Variants in P4HA3 observed in about 807,000 individuals in gnomAD.
The protein encoded by P4HA3 is prolyl 4-hydroxylase subunit alpha 3, also known as prolyl 4-hydroxylase subunit alpha-3.
Under a neutral mutation model 66.7 loss-of-function variants are expected in P4HA3, and 60 were observed. The ratio of observed to expected loss-of-function variants is 0.90; its 90% CI spans 0.73 to 1.12. The LOEUF (loss-of-function observed/expected upper bound fraction) is 1.12, where lower values mean the gene tolerates loss of function less well. Ranked by LOEUF, P4HA3 falls within the 50% of genes most tolerant of loss-of-function variation. The pLI is 0.00. For missense variants in P4HA3, 683 were observed against 685.8 expected, an observed-to-expected ratio of 1.00 and a Z score of 0.05; for synonymous variants, 263 against 274.6, an observed-to-expected ratio of 0.96 and a Z score of 0.42.
At chr11:74,285,119 A>G (rs1465986134) in intron 7 of P4HA3, among the ~76,000 whole-genome samples, 1 of 152,094 alleles carries the variant, frequency 6.6e-6, no homozygotes, top group Non-Finnish European at 1.5e-5. Context: ...ATACTGTAAT[A>G]AAATTATGGG....
intron 4 of P4HA3, among the ~76,000 whole-genome samples, chr11:74,292,458 T>C (rs946041865): frequency 3.9e-4 from 60 of 152,374 alleles, no homozygotes; most frequent in Admixed American, 3.9e-3. Context: ...AATTCTGCTC[T>C]GATCTTAGTT....
rs1374352150 is a variant in P4HA3, at chr11:74,279,420, CT to C, written c.1142del (p.Lys381SerfsTer15). 2 of 1,613,838 alleles carry C rather than the reference CT, an allele frequency of 1.2e-6. No individual in the cohort carries two copies. Among genetic ancestry groups the C allele is most frequent in the Non-Finnish European group, 1.7e-6 (2 of 1,179,886 alleles). On this transcript the variant is annotated frameshift_variant, in exon 8 of 13. Coordinates refer to ENST00000331597, the MANE Select transcript of P4HA3 (RefSeq NM_182904.5). LOFTEE classifies it high-confidence loss of function. ...TGATGCGGTACTCCACTTGTAACTG[CT>C]TCTCCCCTGATGCCACCACTGACCT... ...LQRSVVASGE[K>X]QLQVEYRISK...
rs1367194258 is a variant in P4HA3 at position 74,310,067 on chromosome 11, T to C, written c.200+1345A>G. Reference sequence around the variant, plus strand: ...CACTCACGCAAAGTTTTAAAAGCAGTGCATTGTGCTGTCTTTGCTCAATGA... The same window carrying C: ...CACTCACGCAAAGTTTTAAAAGCAGCGCATTGTGCTGTCTTTGCTCAATGA... On this transcript the variant is annotated intron_variant, in intron 1 of 12. Coordinates refer to ENST00000331597, the MANE Select transcript of P4HA3 (RefSeq NM_182904.5). Among the ~76,000 whole-genome samples the C allele has an allele frequency of 4.6e-5, 7 of 152,308 alleles. No individual in the cohort carries two copies. In the South Asian group the frequency reaches 1.0e-3, roughly 23 times the overall value.
At chr11:74,286,518 C>T in intron 5 of P4HA3, 127 bp from the exon 6 acceptor site, 1 of 801,450 alleles carries the variant, frequency 1.2e-6, no homozygotes, top group African/African-American at 1.8e-5. Flanking sequence ...TGAATAACTC[C>T]TCATGTCAAC....
At chr11:74,256,615 G>A (rs1859836031) in intron 15 of P4HA3, among the ~76,000 whole-genome samples, 1 of 152,116 alleles carries the variant, frequency 6.6e-6, no homozygotes, top group Non-Finnish European at 1.5e-5. Flanking sequence ...TCCTTGCAGA[G>A]CCTACAGATC....
intron 7 of P4HA3, among the ~76,000 whole-genome samples, chr11:74,281,190 G>C (rs1270454510): frequency 6.6e-6 from 1 of 152,172 alleles, no homozygotes; most frequent in East Asian, 1.9e-4. Flanking sequence ...TCTCACACCA[G>C]TTAGAATGGC....
At chr11:74,268,466 A>G (rs1257876335) in intron 11 of P4HA3, among the ~76,000 whole-genome samples, 3 of 152,270 alleles carry the variant, frequency 2.0e-5, no homozygotes, top group Admixed American at 1.3e-4. Flanking sequence ...GGCTGCAGGG[A>G]CAAATTACGT....
intron 3 of P4HA3, among the ~76,000 whole-genome samples, chr11:74,301,550 G>A (rs1264818251): frequency 1.3e-5 from 2 of 152,134 alleles, no homozygotes; most frequent in Middle Eastern, 3.2e-3. Context: ...CTTGGAATCA[G>A]GACACATGAG....
At chr11:74,267,561 T>A (rs1192539096) in intron 12 of P4HA3, among the ~76,000 whole-genome samples, 2 of 152,192 alleles carry the variant, frequency 1.3e-5, no homozygotes, top group African/African-American at 4.8e-5. Flanking sequence ...TCCTGTAAAC[T>A]CATTTTCAAA....
chr11:74,272,412 G>A (rs997869591), intron 10 of P4HA3, among the ~76,000 whole-genome samples: 12 of 152,278 alleles, frequency 7.9e-5, no homozygotes, highest in East Asian at 1.9e-4. Context: ...TTCTTTCGCC[G>A]TTTGTGACCT....
intron 15 of P4HA3, among the ~76,000 whole-genome samples, chr11:74,256,589 G>A (rs534545153): frequency 3.9e-4 from 59 of 152,256 alleles, no homozygotes; most frequent in Non-Finnish European, 6.9e-4. Flanking sequence ...CCTACTATGT[G>A]TTGGCCATAA....
intron 7 of P4HA3, 122 bp from the exon 8 acceptor site, chr11:74,279,574 T>C: frequency 1.1e-6 from 1 of 895,494 alleles, no homozygotes; most frequent in South Asian, 1.4e-5. Flanking sequence ...CCTCCTTAAT[T>C]AGAGGACATT....
At chr11:74,287,722 T>C (rs1034918767) in intron 5 of P4HA3, among the ~76,000 whole-genome samples, 3 of 152,244 alleles carry the variant, frequency 2.0e-5, no homozygotes, top group Non-Finnish European at 2.9e-5. Context: ...TGATTTTGTA[T>C]CTCATTGTAG....
At chr11:74,274,603 G>A (rs892507919) in intron 9 of P4HA3, among the ~76,000 whole-genome samples, 2 of 151,866 alleles carry the variant, frequency 1.3e-5, no homozygotes, top group Non-Finnish European at 2.9e-5. Flanking sequence ...ATGAGCCACC[G>A]TGCCCAGCCC....
chr11:74,297,266 G>C (rs1861252506), intron 4 of P4HA3, among the ~76,000 whole-genome samples: 1 of 152,068 alleles, frequency 6.6e-6, no homozygotes, highest in Admixed American at 6.6e-5. Context: ...CACATACACA[G>C]TTTTACAACA....
chr11:74,286,423 AG>A, intron 5 of P4HA3, 32 bp from the exon 6 acceptor site: 1 of 1,498,398 alleles, frequency 6.7e-7, no homozygotes, highest in Non-Finnish European at 8.9e-7. Context: ...AATATAAAAT[AG>A]GGATTAACAA....
chr11:74,263,462 G>A (rs1859941982), downstream of P4HA3, among the ~76,000 whole-genome samples: 1 of 152,204 alleles, frequency 6.6e-6, no homozygotes, highest in Admixed American at 6.5e-5. Flanking sequence ...AAATAACATG[G>A]AATGCAGACA....
rs186241928 is a variant in P4HA3 at position 74,308,252 on chromosome 11, C to T, written c.200+3160G>A. On this transcript the variant is annotated intron_variant, in intron 1 of 12. Coordinates refer to ENST00000331597, the MANE Select transcript of P4HA3 (RefSeq NM_182904.5). Reference sequence around the variant, plus strand: ...TAAAGGCTGGGCACGGTAGCTCATGCTTGCAATCCCAACACTTTGGGAGCC... The same window carrying T: ...TAAAGGCTGGGCACGGTAGCTCATGTTTGCAATCCCAACACTTTGGGAGCC... Among the ~76,000 whole-genome samples, 478 of 152,244 alleles carry T rather than the reference C, an allele frequency of 3.1e-3. 3 individuals are homozygous for T. In the Middle Eastern group the frequency reaches 0.034, roughly 11 times the overall value.
At chr11:74,274,622 G>A (rs1431527141) in intron 9 of P4HA3, among the ~76,000 whole-genome samples, 1 of 152,000 alleles carries the variant, frequency 6.6e-6, no homozygotes, top group Non-Finnish European at 1.5e-5. Context: ...CCCAATTCTT[G>A]GTTATTACAA....
Sources: gnomAD v4.1 joint callset for allele counts (sites outside exome capture counted in the v4.1 genomes callset) on GRCh38, gnomAD v4.1.1 for gene constraint, MANE v1.5 for transcripts, NCBI Gene and HGNC (gene_info 2026-07-23, HGNC 2026-07-21) for gene names.